PREP: variants seen among roughly 807,000 people sequenced by gnomAD.
The protein encoded by PREP is dJ355L5.1 (prolyl endopeptidase).
PREP carries 29 observed loss-of-function variants against 87.6 expected under a neutral mutation model. The ratio of observed to expected loss-of-function variants is 0.33; its 90% CI spans 0.25 to 0.45. PREP has a LOEUF of 0.45. Among genes scored for constraint, PREP ranks in the 20% least tolerant of loss-of-function variants. PREP has a pLI of 1.00. For missense variants in PREP, 695 were observed against 886.5 expected (o/e 0.78, Z 2.74); for synonymous variants, 337 against 328.6 (o/e 1.03, Z -0.28).
At chr6:105,309,217 G>T (rs1254630699) in intron 10 of PREP, among the ~76,000 whole-genome samples, 1 of 152,108 alleles carries the variant, frequency 6.6e-6, no homozygotes. Context: ...TATTTATTAA[G>T]TAGCCACTTT....
At position 105,277,271 on chromosome 6, in the gene PREP, C is replaced by T. The variant is rs1769961370; in HGVS notation, c.*873G>A. The stretch of plus-strand genomic sequence containing the variant: ...CTGAAATTTCTGACTGTAAGAAATG[C>T]TTGGATATATGTATCTGTTTGTTTG... On this transcript the variant is annotated 3_prime_UTR_variant, in exon 15 of 15. Coordinates refer to ENST00000652536, the MANE Select transcript of PREP (RefSeq NM_002726.5). Among the ~76,000 whole-genome samples the T allele has an allele frequency of 6.7e-6, 1 of 150,038 alleles. No homozygotes were observed.
chr6:105,376,273 T>C lies in PREP; in HGVS notation c.255-18A>G. ...AAAAATACCTGGGGAACAGAGATGG[T>C]CTTTATTCAGCTGTGGAGTTTTCTA... On this transcript the variant is annotated intron_variant, in intron 3 of 14. Transcript: ENST00000652536. 1.9e-6 allele frequency: 3 copies of C among 1,610,082 alleles called. No homozygotes were observed. The highest frequency in any genetic ancestry group is 2.5e-6 in the Non-Finnish European group (3 of 1,178,138).
chr6:105,373,579 C>G lies in PREP; in HGVS notation c.386-1G>C. The G allele has an allele frequency of 6.2e-7, 1 of 1,613,412 alleles. No homozygotes were observed. Among genetic ancestry groups the G allele is most frequent in the Non-Finnish European group, 8.5e-7 (1 of 1,179,526 alleles). ...TCACCATCTTCGCTGAACGCATAAC[C>G]TATGGGACACAGGAGAAATCATCCA... On this transcript the variant is annotated splice_acceptor_variant, in intron 4 of 14. Transcript: ENST00000652536. LOFTEE classifies it high-confidence loss of function.
chr6:105,330,784 C>T (rs1027887361), intron 8 of PREP, among the ~76,000 whole-genome samples: 3 of 152,194 alleles, frequency 2.0e-5, no homozygotes, highest in African/African-American at 7.2e-5. Flanking sequence ...AGAGGGAACT[C>T]TGAGGATCAC....
At chr6:105,394,417 G>A (rs1222660385) in intron 2 of PREP, among the ~76,000 whole-genome samples, 1 of 152,102 alleles carries the variant, frequency 6.6e-6, no homozygotes, top group African/African-American at 2.4e-5. Flanking sequence ...TATGTATCTA[G>A]AAAACCTAAG....
chr6:105,302,592 A>G, intron 10 of PREP: 1 of 428,250 alleles, frequency 2.3e-6, no homozygotes, highest in South Asian at 1.9e-5. Context: ...AGGGGCTTGT[A>G]CCTCTTGCCC....
chr6:105,287,390 A>G (rs1328451009), intron 11 of PREP, among the ~76,000 whole-genome samples: 1 of 152,184 alleles, frequency 6.6e-6, no homozygotes, highest in East Asian at 1.9e-4. Flanking sequence ...TCATATGATG[A>G]TGCCACATAT....
At chr6:105,299,528 G>A (rs1215911082) in intron 10 of PREP, among the ~76,000 whole-genome samples, 2 of 152,170 alleles carry the variant, frequency 1.3e-5, no homozygotes, top group South Asian at 2.1e-4. Context: ...GAACCCAGAA[G>A]GCAGAAGTTG....
chr6:105,391,343 C>T (rs192034359), intron 2 of PREP, among the ~76,000 whole-genome samples: 25 of 152,210 alleles, frequency 1.6e-4, no homozygotes, highest in African/African-American at 5.5e-4. Flanking sequence ...GATCGTGCCA[C>T]TGCAATCCAG....
intron 2 of PREP, among the ~76,000 whole-genome samples, chr6:105,377,871 C>T (rs926810202): frequency 7.9e-5 from 12 of 152,138 alleles, no homozygotes; most frequent in African/African-American, 1.4e-4. Flanking sequence ...AAAAGTTGCC[C>T]GACATCATAC....
chr6:105,398,629 G>A (rs1394629451), intron 1 of PREP, among the ~76,000 whole-genome samples: 4 of 152,160 alleles, frequency 2.6e-5, no homozygotes, highest in Non-Finnish European at 5.9e-5. Context: ...AAACTGCTTA[G>A]TGTAAGTAGA....
intron 10 of PREP, among the ~76,000 whole-genome samples, chr6:105,301,484 G>T (rs997619691): frequency 2.0e-5 from 3 of 152,210 alleles, no homozygotes; most frequent in Admixed American, 6.5e-5. Context: ...TTAGAGGGAG[G>T]CATTACATGT....
chr6:105,317,432 T>C (rs957202281), intron 10 of PREP, among the ~76,000 whole-genome samples: 3 of 152,192 alleles, frequency 2.0e-5, no homozygotes, highest in Non-Finnish European at 2.9e-5. Context: ...TGAATTTTAG[T>C]TTCCTTGTCT....
intron 1 of PREP, 91 bp from the exon 2 acceptor site, chr6:105,398,018 G>T: frequency 9.6e-7 from 1 of 1,039,878 alleles, no homozygotes. Flanking sequence ...ATAGGAAAGG[G>T]ATGGACAAAA....
intron 5 of PREP, 97 bp from the exon 6 acceptor site, chr6:105,369,121 G>A: frequency 1.6e-6 from 2 of 1,273,026 alleles, no homozygotes; most frequent in Non-Finnish European, 2.2e-6. Context: ...TTAACAAGTA[G>A]CTGGCTGCAG....
At position 105,373,502 on chromosome 6, in the gene PREP, C is replaced by T. The variant is rs1159427833; in HGVS notation, c.462G>A (p.Lys154=). The T allele has an allele frequency of 6.2e-7, 1 of 1,614,214 alleles. No homozygotes were observed. Residue 154 remains lysine (K), a synonymous_variant, in exon 5 of 15, where the codon AAG becomes AAA. Coordinates refer to ENST00000652536, the MANE Select transcript of PREP (RefSeq NM_002726.5). ...CTTTGGCACCATCAACTTTCATGAA[C>T]TTGATTGTCACCCAGTCTGAGCCAC... ...SASGSDWVTI[K]FMKVDGAKEL...
At chr6:105,283,989 G>T (rs1339906696) in intron 12 of PREP, among the ~76,000 whole-genome samples, 1 of 152,156 alleles carries the variant, frequency 6.6e-6, no homozygotes, top group East Asian at 1.9e-4. Flanking sequence ...TGAGTAGGGG[G>T]TATGGTGCAT....
In PREP at chr6:105,273,902, T is replaced by C. The variant is rs1769877475; in HGVS notation, c.*4242A>G. The C allele has an allele frequency of 6.6e-6, 1 of 152,510 alleles. No homozygotes were observed. Among genetic ancestry groups the C allele is most frequent in the Non-Finnish European group, 1.5e-5 (1 of 68,272 alleles). The allele number at this position is 152,510 out of a possible 1,614,324, so 9.4% of individuals were successfully genotyped here. A position where few individuals can be genotyped will look rare whatever the true frequency, so the allele number is the denominator to read the frequency against. On this transcript the variant is annotated 3_prime_UTR_variant, in exon 15 of 15. Coordinates refer to ENST00000652536, the MANE Select transcript of PREP (RefSeq NM_002726.5). Reference sequence around the variant, plus strand: ...CAACCCCCAAAACGTTGCCCATTGTTTGTCCCCTCATTCCGTTCGGGTCTT... The same window carrying C: ...CAACCCCCAAAACGTTGCCCATTGTCTGTCCCCTCATTCCGTTCGGGTCTT...
intron 2 of PREP, among the ~76,000 whole-genome samples, chr6:105,389,140 A>C (rs1773075939): frequency 1.3e-5 from 2 of 152,358 alleles, no homozygotes; most frequent in South Asian, 4.1e-4. Flanking sequence ...GAAAGTATGT[A>C]CCCTGATACA....
Sources: gnomAD v4.1 joint callset for allele counts (sites outside exome capture counted in the v4.1 genomes callset) on GRCh38, gnomAD v4.1.1 for gene constraint, MANE v1.5 for transcripts, NCBI Gene and HGNC (gene_info 2026-07-23, HGNC 2026-07-21) for gene names.